Variants in TTBK1 observed in about 807,000 individuals in gnomAD.
TTBK1 encodes the protein tau-tubulin kinase 1.
A neutral mutation model predicts 108.5 loss-of-function variants in TTBK1; 34 were observed. The ratio of observed to expected loss-of-function variants is 0.31; its 90% CI spans 0.24 to 0.42. TTBK1 has a LOEUF of 0.42. Ranked by LOEUF, TTBK1 falls within the 10% of genes least tolerant of loss-of-function variation. The pLI, the probability that TTBK1 is intolerant of heterozygous loss-of-function variation, is 1.00. For missense variants in TTBK1, 1,539 were observed against 1,826.0 expected, an observed-to-expected ratio of 0.84 and a Z score of 2.86; for synonymous variants, 809 against 795.1, an observed-to-expected ratio of 1.02 and a Z score of -0.29.
At chr6:43,270,822 G>T (rs1338190512) in intron 13 of TTBK1, 1 of 985,470 alleles carries the variant, frequency 1.0e-6, no homozygotes, top group Non-Finnish European at 1.2e-6. Context: ...TAAGGATGAC[G>T]TGAGAAACCA....
intron 7 of TTBK1, 61 bp from the exon 8 acceptor site, chr6:43,255,491 A>G: frequency 6.9e-7 from 1 of 1,453,596 alleles, no homozygotes; most frequent in East Asian, 2.5e-5. Flanking sequence ...GAGAAGGGTC[A>G]GCCGCCCATT....
At chr6:43,267,087 G>A (rs1777700934) in intron 13 of TTBK1, among the ~76,000 whole-genome samples, 1 of 150,296 alleles carries the variant, frequency 6.7e-6, no homozygotes, top group South Asian at 2.1e-4. Flanking sequence ...CATGTCAGCA[G>A]GTGTGCCTGT....
Position 43,283,542 on chromosome 6 carries a change from G to A in TTBK1, c.2802G>A (p.Ala934=), listed in dbSNP as rs563043866. Residue 934 remains alanine, a synonymous_variant, in exon 14 of 15, where the codon GCG becomes GCA. Coordinates refer to ENST00000259750, the MANE Select transcript of TTBK1 (RefSeq NM_032538.3). This position sits in a 1 kb window ranked among gnomAD's most constrained non-coding sequence, Gnocchi z 8.1. ...TKVERTFVHI[A]EKTHLNVMSS... ...TTGAGAGGACCTTTGTGCACATTGC[G>A]GAGAAAACCCACCTCAACGTCATGT... The A allele has an allele frequency of 2.3e-5, 37 of 1,614,154 alleles. 1 individual carries two copies. The highest frequency in any genetic ancestry group is 2.2e-4 in the South Asian group (20 of 91,084).
intron 13 of TTBK1, among the ~76,000 whole-genome samples, chr6:43,275,772 G>GC (rs902151364): frequency 1.3e-5 from 2 of 149,696 alleles, no homozygotes; most frequent in African/African-American, 4.9e-5. Context: ...CACCAAACAT[G>GC]CCCCCCCATT....
At chr6:43,274,587 G>T (rs1470311879) in intron 13 of TTBK1, among the ~76,000 whole-genome samples, 1 of 152,192 alleles carries the variant, frequency 6.6e-6, no homozygotes, top group Middle Eastern at 3.4e-3. Context: ...TCCTTGGGTT[G>T]ATGTGGTACT....
rs191588054 is a variant in TTBK1 at position 43,253,827 on chromosome 6, T to C, written c.471+119T>C. The C allele has an allele frequency of 2.8e-3, 3,773 of 1,328,326 alleles. 11 individuals carry two copies. The highest frequency in any genetic ancestry group is 6.9e-3 in the Admixed American group (275 of 40,142). 82.3% of individuals were successfully genotyped at this position (1,328,326 alleles called of 1,614,324 possible). A position where few individuals can be genotyped will look rare whatever the true frequency, so the allele number is the denominator to read the frequency against. On this transcript the variant is annotated intron_variant, in intron 5 of 14. Transcript: ENST00000259750. This position sits in a 1 kb window ranked among gnomAD's most constrained non-coding sequence, Gnocchi z 5.8. The stretch of plus-strand genomic sequence containing the variant: ...GGTTGGGACTTGTGATGGGACAGCC[T>C]CTTCTCCCCAAGCCCCTCCTGCTCT...
chr6:43,255,913 C>G (rs1777368654), intron 9 of TTBK1, 57 bp downstream of exon 9: 6 of 1,605,904 alleles, frequency 3.7e-6, no homozygotes, highest in Non-Finnish European at 5.1e-6. Flanking sequence ...AGTGACTGTC[C>G]CCCAGCAGAC....
chr6:43,268,963 G>A (rs1485100085), intron 13 of TTBK1, among the ~76,000 whole-genome samples: 5 of 152,074 alleles, frequency 3.3e-5, no homozygotes, highest in African/African-American at 7.2e-5. Context: ...GAATCCTCAC[G>A]ACCACCCTTT....
intron 13 of TTBK1, chr6:43,271,865 T>TGGC: frequency 1.0e-6 from 1 of 976,228 alleles, no homozygotes; most frequent in Non-Finnish European, 1.2e-6. Context: ...CTAATACTTG[T>TGGC]GCCCCACCCC....
chr6:43,260,276 C>T (rs1051480446), intron 12 of TTBK1, among the ~76,000 whole-genome samples: 4 of 152,064 alleles, frequency 2.6e-5, no homozygotes, highest in Non-Finnish European at 4.4e-5. Context: ...CTGTTGACCT[C>T]GGATGGTGGG....
chr6:43,254,443 G>T, intron 5 of TTBK1, 104 bp from the exon 6 acceptor site: 1 of 741,004 alleles, frequency 1.3e-6, no homozygotes. Flanking sequence ...AGTGAATGTG[G>T]GGCTGAAAGC....
Position 43,287,550 on chromosome 6 carries a change from C to T in TTBK1, c.*2174C>T, listed in dbSNP as rs1159125031. On this transcript the variant is annotated 3_prime_UTR_variant, in exon 15 of 15. Transcript: ENST00000259750. This position sits in a 1 kb window ranked among gnomAD's most constrained non-coding sequence, Gnocchi z 4.1. ...CCCAGTCTGCCCTTGGGATTCCAAA[C>T]CTCCCTAGGGCTCCCAACTGACCTC... is the stretch of plus-strand genomic sequence containing the variant. 6.6e-6 allele frequency: 1 copy of T among 152,246 alleles called. No homozygotes were observed. Among genetic ancestry groups the T allele is most frequent in the African/African-American group, 2.4e-5 (1 of 41,420 alleles). 9.4% of individuals were successfully genotyped at this position (152,246 alleles called of 1,614,324 possible).
intron 13 of TTBK1, chr6:43,270,093 G>T (rs1314150643): frequency 3.6e-6 from 5 of 1,402,574 alleles, no homozygotes; most frequent in Non-Finnish European, 4.6e-6. Flanking sequence ...CCCCTAGAAC[G>T]TTGGCCCAAG....
rs1440959545 is a variant in TTBK1 at position 43,265,554 on chromosome 6, C to A, written c.1986+2204C>A. Among the ~76,000 whole-genome samples, 1 of 152,226 alleles carries A rather than the reference C, an allele frequency of 6.6e-6. No individual in the cohort carries two copies. The highest frequency in any genetic ancestry group is 2.4e-5 in the African/African-American group (1 of 41,458). ...GTGGGCTGGCACCATTGCGTTGTAA[C>A]TAGCCATTGCTCCCACCACACCCAG... On this transcript the variant is annotated intron_variant, in intron 13 of 14. Coordinates refer to ENST00000259750, the MANE Select transcript of TTBK1 (RefSeq NM_032538.3). This position sits in a 1 kb window ranked among gnomAD's most constrained non-coding sequence, Gnocchi z 4.1.
chr6:43,283,924 G>A lies in TTBK1; in HGVS notation c.3184G>A (p.Glu1062Lys). ...GAGCCGTATCCCTGTCCTGCTCTCT[G>A]AGGAGGACACGGGCTCGGAGCCCTC... Reference protein sequence around the residue: ...PRSRIPVLLSEEDTGSEPSGS... With the variant: ...PRSRIPVLLSKEDTGSEPSGS... Residue 1062 changes from glutamate (E) to lysine (K), a missense_variant, in exon 14 of 15, where the codon GAG becomes AAG. By Grantham distance (56) the Glu-to-Lys change is moderately conservative. This residue lies in a region of TTBK1 where 1,055 missense variants were observed against 1,086.5 expected (regional missense o/e 0.97). Transcript: ENST00000259750. The surrounding 1 kb of genome is among the most constrained non-coding windows in gnomAD (Gnocchi z 8.1). The A allele has an allele frequency of 6.2e-7, 1 of 1,613,100 alleles. No individual in the cohort carries two copies. Among genetic ancestry groups the A allele is most frequent in the Non-Finnish European group, 8.5e-7 (1 of 1,179,452 alleles).
intron 13 of TTBK1, among the ~76,000 whole-genome samples, chr6:43,279,547 C>T (rs768235117): frequency 4.6e-5 from 7 of 152,106 alleles, no homozygotes; most frequent in East Asian, 1.9e-4. Context: ...CCCACTCATC[C>T]GGGAGCTTAC....
At chr6:43,261,742 G>T (rs538573874) in intron 12 of TTBK1, among the ~76,000 whole-genome samples, 2 of 151,800 alleles carry the variant, frequency 1.3e-5, no homozygotes, top group South Asian at 2.1e-4. Flanking sequence ...TTGAACCTGG[G>T]GGGTGGAGGT....
rs1304978357 is a variant in TTBK1, at chr6:43,285,113, C to T, written c.3703C>T (p.Leu1235Phe). ...ARPPAPRSPR[L>F]PASTSAARNA... ...GCCCCCAGCGCCGCGCAGCCCGCGC[C>T]TCCCCGCGTCCACATCCGCCGCGCG... The change falls in exon 15 of 15, where the codon CTC becomes TTC. Residue 1235 changes from leucine (L) to phenylalanine (F), a missense_variant. This residue lies in a region of TTBK1 where 1,055 missense variants were observed against 1,086.5 expected (regional missense o/e 0.97). Transcript: ENST00000259750. This position sits in a 1 kb window ranked among gnomAD's most constrained non-coding sequence, Gnocchi z 4.7. 1.4e-6 allele frequency: 2 copies of T among 1,471,108 alleles called. No individual in the cohort carries two copies. Among genetic ancestry groups the T allele is most frequent in the East Asian group, 3.0e-5 (1 of 33,806 alleles). 91.1% of individuals were successfully genotyped at this position (1,471,108 alleles called of 1,614,324 possible).
Position 43,263,298 on chromosome 6 carries a change from C to G in TTBK1, c.1934C>G (p.Ser645Trp). The change falls in exon 13 of 15, where the codon TCG becomes TGG. Residue 645 changes from serine (S) to tryptophan (W), a missense_variant. By Grantham distance (177) the Ser-to-Trp change is radical. Transcript: ENST00000259750. The surrounding 1 kb of genome is among the most constrained non-coding windows in gnomAD (Gnocchi z 4.7). Reference protein sequence around the residue: ...PGSPSHSPLHSGPRPRRRESD... With the variant: ...PGSPSHSPLHWGPRPRRRESD... The stretch of plus-strand genomic sequence containing the variant: ...AGCCCTTCCCACTCACCCCTGCACT[C>G]GGGACCCCGCCCTCGACGGAGAGAG... 1 of 1,495,990 alleles carries G rather than the reference C, an allele frequency of 6.7e-7. No individual in the cohort carries two copies. Among genetic ancestry groups the G allele is most frequent in the Non-Finnish European group, 8.9e-7 (1 of 1,119,890 alleles). The allele number at this position is 1,495,990 out of a possible 1,614,324, so 92.7% of individuals were successfully genotyped here.
Sources: gnomAD v4.1 joint callset for allele counts (sites outside exome capture counted in the v4.1 genomes callset) on GRCh38, gnomAD v4.1.1 for gene constraint, gnomAD v4.1.1 regional missense constraint, Gnocchi (gnomAD v3.1) non-coding constraint, MANE v1.5 for transcripts, NCBI Gene and HGNC (gene_info 2026-07-23, HGNC 2026-07-21) for gene names.